The following ZNF334 variants were observed in gnomAD, a reference collection of about 807,000 sequenced individuals.
ZNF334 encodes zinc finger protein 334.
In ZNF334, 14 loss-of-function variants were observed where a neutral mutation model predicts 12.4. The observed-to-expected ratio is 1.13, with a 90% CI of 0.74 to 1.76. The LOEUF (loss-of-function observed/expected upper bound fraction) is 1.76, where lower values mean the gene tolerates loss of function less well. Among genes scored for constraint, ZNF334 ranks in the 40% most tolerant of loss-of-function variants. The probability of loss-of-function intolerance (pLI) is 0.00; values close to 1 mark genes in which losing one functional copy is unlikely to be tolerated. For missense variants in ZNF334, 797 were observed against 804.5 expected (o/e 0.99, Z 0.11); for synonymous variants, 273 against 269.6 (o/e 1.01, Z -0.12).
the ZNF334 span, among the ~76,000 whole-genome samples, chr20:46,479,736 T>C: frequency 1.3e-5 from 2 of 152,178 alleles, no homozygotes; most frequent in Non-Finnish European, 2.9e-5. Flanking sequence ...AGAGATTAAC[T>C]AAGAGTCTGA....
the ZNF334 span, among the ~76,000 whole-genome samples, chr20:46,484,828 T>C: frequency 6.6e-6 from 1 of 152,216 alleles, no homozygotes; most frequent in African/African-American, 2.4e-5. Flanking sequence ...GGCTGTCATA[T>C]GCCTAAGAAA....
chr20:46,502,024 C>T lies in ZNF334; in HGVS notation c.1315G>A (p.Gly439Arg), dbSNP rs757781051. The change falls in exon 5 of 5, where the codon GGA becomes AGA. Residue 439 changes from glycine to arginine, a missense_variant. Coordinates refer to ENST00000692313, the MANE Select transcript of ZNF334 (RefSeq NM_001353824.2). ...GEKPYECSQC[G>R]KFLCTKSALI... ...GCTGATTTCGTACATAAAAATTTTC[C>T]ACATTGACTGCATTCATAGGGCTTC... The T allele has an allele frequency of 9.9e-6, 16 of 1,613,892 alleles. No individual in the cohort carries two copies. In the East Asian group the frequency reaches 3.3e-4, roughly 34 times the overall value.
chr20:46,499,407 C>A (rs1218058312), downstream of ZNF334, among the ~76,000 whole-genome samples: 1 of 151,540 alleles, frequency 6.6e-6, no homozygotes, highest in East Asian at 1.9e-4. Context: ...ATGAATACAC[C>A]CTCTATATCA....
At chr20:46,512,231 A>G in intron 1 of ZNF334, 91 bp from the exon 2 acceptor site, 1 of 912,228 alleles carries the variant, frequency 1.1e-6, no homozygotes, top group Non-Finnish European at 1.7e-6. Context: ...ACCCATTTAA[A>G]AACATGGCCC....
rs1216196269 is a variant in ZNF334, at chr20:46,504,299, A to T, written c.156T>A (p.His52Gln). The T allele has an allele frequency of 6.2e-7, 1 of 1,613,650 alleles. No homozygotes were observed. The highest frequency in any genetic ancestry group is 1.1e-5 in the South Asian group (1 of 91,040). The change falls in exon 4 of 5, where the codon CAT (histidine) becomes CAA (glutamine). Residue 52 changes from histidine to glutamine, a missense_variant. Physicochemically the swap from His to Gln is conservative, Grantham distance 24. Transcript: ENST00000692313. ...NYSNLVSVGY[H>Q]VSKPDVIFKL... ...TGAAAATCACATCTGGTTTGCTAAC[A>T]TGATACCCTGTTAATGGGAAATTAC... is the stretch of plus-strand genomic sequence containing the variant.
chr20:46,493,472 T>A, the ZNF334 span, among the ~76,000 whole-genome samples: 6 of 152,242 alleles, frequency 3.9e-5, no homozygotes, highest in African/African-American at 2.4e-5. Flanking sequence ...GGGTCTGTGG[T>A]CAAGATGGTT....
the ZNF334 span, among the ~76,000 whole-genome samples, chr20:46,467,202 A>C: frequency 2.0e-5 from 3 of 152,232 alleles, no homozygotes; most frequent in Admixed American, 2.0e-4. Context: ...AAAAGAAAAA[A>C]TATACAATGT....
Position 46,500,559 on chromosome 20 carries a change from CA to C in ZNF334, c.*736del, listed in dbSNP as rs1460306496. On this transcript the variant is annotated 3_prime_UTR_variant, in exon 5 of 5. Coordinates refer to ENST00000692313, the MANE Select transcript of ZNF334 (RefSeq NM_001353824.2). ...ACACTTTTTGGATTCAACCATCATC[CA>C]AATTCTCTTTGTTGTTCAAGAATGC... is the stretch of plus-strand genomic sequence containing the variant. The C allele has an allele frequency of 2.0e-5, 3 of 152,208 alleles. No homozygotes were observed. The highest frequency in any genetic ancestry group is 2.0e-4 in the Admixed American group (3 of 15,286). 9.4% of individuals were successfully genotyped at this position (152,208 alleles called of 1,614,324 possible). A position where few individuals can be genotyped will look rare whatever the true frequency, so the allele number is the denominator to read the frequency against.
chr20:46,497,505 G>A (rs2061043437), downstream of ZNF334, among the ~76,000 whole-genome samples: 1 of 152,158 alleles, frequency 6.6e-6, no homozygotes, highest in Non-Finnish European at 1.5e-5. Flanking sequence ...GAAGAGAAGA[G>A]GGAAGAAGAG....
the ZNF334 span, chr20:46,464,546 G>A: frequency 2.3e-6 from 1 of 436,370 alleles, no homozygotes; most frequent in Non-Finnish European, 4.5e-6. Context: ...ATGGGCCTCA[G>A]GACAAGATTT....
At chr20:46,468,369 G>A in the ZNF334 span, among the ~76,000 whole-genome samples, 1 of 151,770 alleles carries the variant, frequency 6.6e-6, no homozygotes, top group East Asian at 1.9e-4. Flanking sequence ...TCAACCCCCA[G>A]GTTCAAGTGA....
intron 2 of ZNF334, among the ~76,000 whole-genome samples, chr20:46,510,391 C>T (rs530475274): frequency 1.3e-5 from 2 of 151,822 alleles, no homozygotes; most frequent in South Asian, 2.1e-4. Context: ...TTAGCAAGCT[C>T]GACAAACAGG....
In ZNF334 at chr20:46,502,849, C is replaced by A; in HGVS notation, c.490G>T (p.Gly164Ter). The change falls in exon 5 of 5, where the codon GGA (glycine) becomes TGA (stop). Residue 164 changes from glycine to a stop codon, truncating the protein, a stop_gained. Transcript: ENST00000692313. LOFTEE classifies it low-confidence loss of function (END_TRUNC). ...TCATGCTTCCCAAATCCACTGTATCCATCAGGAATCTTTCTGTTTTCTTTG... is the reference window on the plus strand; with the variant it reads ...TCATGCTTCCCAAATCCACTGTATCAATCAGGAATCTTTCTGTTTTCTTTG... ...KSKENRKIPD[G>*]YSGFGKHEKS... 1 of 1,613,838 alleles carries A rather than the reference C, an allele frequency of 6.2e-7. No individual in the cohort carries two copies. Among genetic ancestry groups the A allele is most frequent in the Non-Finnish European group, 8.5e-7 (1 of 1,179,968 alleles).
At chr20:46,478,466 G>C in the ZNF334 span, among the ~76,000 whole-genome samples, 1 of 152,192 alleles carries the variant, frequency 6.6e-6, no homozygotes, top group Non-Finnish European at 1.5e-5. Flanking sequence ...GGGTTGTGAA[G>C]ACCAAGTTTT....
rs561138828 is a variant in ZNF334, at chr20:46,502,252, A to G, written c.1087T>C (p.Tyr363His). The G allele has an allele frequency of 6.2e-7, 1 of 1,614,016 alleles. No individual in the cohort carries two copies. The highest frequency in any genetic ancestry group is 2.2e-5 in the East Asian group (1 of 44,848). ...TGAGTTCTTTGATGTACAACAAGAT[A>G]CGATTTCTTGCTGAAGGCATTTCCA... is the stretch of plus-strand genomic sequence containing the variant. The part of the protein sequence containing the change: ...ECGNAFSKKS[Y>H]LVVHQRTHRG... The change falls in exon 5 of 5, where the codon TAT becomes CAT. Residue 363 changes from tyrosine to histidine, a missense_variant. Physicochemically the swap from Tyr to His is moderately conservative, Grantham distance 83. Coordinates refer to ENST00000692313, the MANE Select transcript of ZNF334 (RefSeq NM_001353824.2).
Position 46,502,586 on chromosome 20 carries a change from G to A in ZNF334, c.753C>T (p.Thr251=), listed in dbSNP as rs1192651257. The A allele has an allele frequency of 4.9e-5, 79 of 1,611,510 alleles. No individual in the cohort carries two copies. Among genetic ancestry groups the A allele is most frequent in the Non-Finnish European group, 6.5e-5 (77 of 1,179,188 alleles). ...ECRKTFSKRS[T]LIVHQRIHTG... ...TATGAATTCTCTGATGTACAATGAG[G>A]GTAGATCTCTTAGAAAAGGTTTTCC... Residue 251 remains threonine, a synonymous_variant, in exon 5 of 5, where the codon ACC becomes ACT. Coordinates refer to ENST00000692313, the MANE Select transcript of ZNF334 (RefSeq NM_001353824.2).
Position 46,501,322 on chromosome 20 carries a change from A to G in ZNF334, c.2017T>C (p.Leu673=). 1 of 1,611,202 alleles carries G rather than the reference A, an allele frequency of 6.2e-7. No individual in the cohort carries two copies. Among genetic ancestry groups the G allele is most frequent in the East Asian group, 2.2e-5 (1 of 44,850 alleles). The part of the protein sequence containing the change: ...KTFRHKSNFL[L]HQKSHKE ...TATTCCTTGTGGGATTTCTGATGTAAAAGAAAGTTTGATTTGTGGCGAAAT... is the reference window on the plus strand; with the variant it reads ...TATTCCTTGTGGGATTTCTGATGTAGAAGAAAGTTTGATTTGTGGCGAAAT... Residue 673 remains leucine (L), a synonymous_variant, in exon 5 of 5, where the codon TTA becomes CTA. Transcript: ENST00000692313.
the ZNF334 span, among the ~76,000 whole-genome samples, chr20:46,468,560 C>T: frequency 7.4e-4 from 112 of 152,000 alleles, no homozygotes; most frequent in African/African-American, 2.5e-3. Flanking sequence ...GTTGGGATTA[C>T]GGGCGTGAGC....
At chr20:46,464,841 C>A in the ZNF334 span, 2 of 539,918 alleles carry the variant, frequency 3.7e-6, no homozygotes, top group South Asian at 1.4e-5. Context: ...AAGTTTGAGT[C>A]TGACTCAGCT....
Sources: gnomAD v4.1 joint callset for allele counts (sites outside exome capture counted in the v4.1 genomes callset) on GRCh38, gnomAD v4.1.1 for gene constraint, MANE v1.5 for transcripts, NCBI Gene and HGNC (gene_info 2026-07-23, HGNC 2026-07-21) for gene names.